Variants in YTHDC2 observed in about 807,000 individuals in gnomAD.
YTHDC2 encodes YTH N6-methyladenosine RNA binding protein C2, also known as 3'-5' RNA helicase YTHDC2.
YTHDC2 carries 45 observed loss-of-function variants against 174.9 expected under a neutral mutation model. The ratio of observed to expected loss-of-function variants is 0.26; its 90% CI spans 0.20 to 0.33. The LOEUF (loss-of-function observed/expected upper bound fraction) is 0.33, where lower values mean the gene tolerates loss of function less well. Among genes scored for constraint, YTHDC2 ranks in the 10% least tolerant of loss-of-function variants. The probability of loss-of-function intolerance (pLI) is 1.00; values close to 1 mark genes in which losing one functional copy is unlikely to be tolerated. For synonymous variants in YTHDC2, 657 were observed against 574.5 expected (o/e 1.14, Z -2.05); for missense variants, 1,650 against 1,723.7 (o/e 0.96, Z 0.76).
chr5:113,524,727 T>G (rs778412055), intron 2 of YTHDC2, among the ~76,000 whole-genome samples: 1 of 152,174 alleles, frequency 6.6e-6, no homozygotes. Context: ...ACTTTAACAC[T>G]TAAGGGTAAG....
intron 2 of YTHDC2, among the ~76,000 whole-genome samples, chr5:113,523,215 T>G (rs1185479692): frequency 6.6e-6 from 1 of 152,158 alleles, no homozygotes; most frequent in Non-Finnish European, 1.5e-5. Flanking sequence ...TGAGATGATT[T>G]TTAAGAAAAT....
chr5:113,553,887 T>C, intron 15 of YTHDC2, 33 bp downstream of exon 15: 2 of 1,585,498 alleles, frequency 1.3e-6, no homozygotes, highest in East Asian at 2.2e-5. Flanking sequence ...TTTAACACTT[T>C]CATTAGTTAT....
At chr5:113,577,187 T>C (rs908879985) in intron 23 of YTHDC2, among the ~76,000 whole-genome samples, 4 of 152,194 alleles carry the variant, frequency 2.6e-5, no homozygotes, top group Non-Finnish European at 5.9e-5. Context: ...TTGCACCTTT[T>C]TATTTAGTAT....
chr5:113,579,229 A>G (rs1431495014), intron 23 of YTHDC2, among the ~76,000 whole-genome samples: 1 of 152,070 alleles, frequency 6.6e-6, no homozygotes, highest in Non-Finnish European at 1.5e-5. Flanking sequence ...TTATAAGAGT[A>G]TTGCTTTGGG....
intron 1 of YTHDC2, chr5:113,514,359 C>CTT (rs1773250132): frequency 1.5e-6 from 1 of 647,430 alleles, no homozygotes; most frequent in Non-Finnish European, 2.9e-6. Flanking sequence ...CAGCCTTGGG[C>CTT]GGTTAAGCCA....
Position 113,579,661 on chromosome 5 carries a change from TTGA to T in YTHDC2, c.3324_3326del (p.Asp1108del). 6.2e-7 allele frequency: 1 copy of T among 1,610,100 alleles called. No homozygotes were observed. Among genetic ancestry groups the T allele is most frequent in the Non-Finnish European group, 8.5e-7 (1 of 1,177,818 alleles). ...ACAGCTAATTTGGCAGCCTTGAAAC[TTGA>T]TGAGTGGCTCCATTTCACACTGGAG... On this transcript the variant is annotated inframe_deletion, in exon 24 of 30. Coordinates refer to ENST00000161863, the MANE Select transcript of YTHDC2 (RefSeq NM_022828.5).
At chr5:113,584,233 T>C in intron 25 of YTHDC2, 69 bp from the exon 26 acceptor site, 1 of 1,348,010 alleles carries the variant, frequency 7.4e-7, no homozygotes, top group Non-Finnish European at 1.0e-6. Context: ...ATTATAAACT[T>C]ATACATAACT....
intron 23 of YTHDC2, among the ~76,000 whole-genome samples, chr5:113,569,430 C>G (rs934007405): frequency 7.9e-5 from 12 of 152,232 alleles, no homozygotes; most frequent in Admixed American, 5.9e-4. Flanking sequence ...TGCCTATGTC[C>G]TGAATGGTAT....
rs576345567 is a variant in YTHDC2 at position 113,526,841 on chromosome 5, A to G, written c.675+56A>G. 44 of 394,342 alleles carry G rather than the reference A, an allele frequency of 1.1e-4. 1 individual carries two copies. The East Asian group carries it at 2.1e-3, about 18-fold the overall frequency. The allele number at this position is 394,342 out of a possible 1,614,324, so 24.4% of individuals were successfully genotyped here. A position where few individuals can be genotyped will look rare whatever the true frequency, so the allele number is the denominator to read the frequency against. On this transcript the variant is annotated intron_variant, in intron 4 of 29. Transcript: ENST00000161863. The stretch of plus-strand genomic sequence containing the variant: ...AAAAAAAAAAAATATATATATATAT[A>G]TATATATAGTCCCATATTATAATTT...
At chr5:113,548,758 CTA>C (rs1776055002) in intron 11 of YTHDC2, 91 bp downstream of exon 11, 4 of 1,366,362 alleles carry the variant, frequency 2.9e-6, no homozygotes. Context: ...ATATTAAAAA[CTA>C]TTGTGTAATA....
chr5:113,575,529 G>A (rs530155437), intron 23 of YTHDC2, among the ~76,000 whole-genome samples: 44 of 152,276 alleles, frequency 2.9e-4, no homozygotes, highest in African/African-American at 1.0e-3. Context: ...CACATGAAAA[G>A]CAGAAATGTG....
intron 7 of YTHDC2, among the ~76,000 whole-genome samples, chr5:113,538,422 G>A (rs1775228136): frequency 1.3e-5 from 2 of 152,004 alleles, no homozygotes; most frequent in Non-Finnish European, 2.9e-5. Context: ...CATCTTGAAC[G>A]ATATCCCTCT....
intron 16 of YTHDC2, among the ~76,000 whole-genome samples, chr5:113,554,982 ATATTT>A (rs1776501942): frequency 6.6e-6 from 1 of 151,980 alleles, no homozygotes; most frequent in African/African-American, 2.4e-5. Context: ...ATTTTAAGGA[ATATTT>A]TATAGAAAAT....
chr5:113,584,083 T>C (rs1033717209), intron 25 of YTHDC2: 3 of 356,308 alleles, frequency 8.4e-6, no homozygotes, highest in Admixed American at 9.2e-5. Flanking sequence ...TTACGAGGCT[T>C]GCTCAGGATC....
intron 17 of YTHDC2, among the ~76,000 whole-genome samples, chr5:113,560,047 C>A (rs1196132762): frequency 2.0e-5 from 3 of 152,206 alleles, no homozygotes; most frequent in African/African-American, 7.2e-5. Context: ...CATAGGAAAG[C>A]TTCACTAGAA....
intron 24 of YTHDC2, among the ~76,000 whole-genome samples, chr5:113,580,919 G>A (rs576525200): frequency 2.4e-4 from 37 of 152,196 alleles, no homozygotes; most frequent in Middle Eastern, 3.4e-3. Flanking sequence ...AAGTTCTCTA[G>A]CACTTTGTGT....
chr5:113,554,468 A>G (rs1007495071), intron 16 of YTHDC2, among the ~76,000 whole-genome samples: 2 of 152,052 alleles, frequency 1.3e-5, no homozygotes, highest in Admixed American at 6.6e-5. Flanking sequence ...CACCTATAGC[A>G]GGTGTTCAAA....
chr5:113,568,174 T>G (rs1777475760), intron 23 of YTHDC2, among the ~76,000 whole-genome samples: 1 of 152,182 alleles, frequency 6.6e-6, no homozygotes, highest in Non-Finnish European at 1.5e-5. Flanking sequence ...CATAATCTCA[T>G]TTTTCTCATG....
At position 113,551,505 on chromosome 5, in the gene YTHDC2, A is replaced by C. The variant is rs148658719; in HGVS notation, c.1689-1676A>C. Among the ~76,000 whole-genome samples the C allele has an allele frequency of 1.9e-3, 291 of 152,304 alleles. 2 individuals carry two copies. The highest frequency in any genetic ancestry group is 6.7e-3 in the African/African-American group (277 of 41,582). On this transcript the variant is annotated intron_variant, in intron 12 of 29. Coordinates refer to ENST00000161863, the MANE Select transcript of YTHDC2 (RefSeq NM_022828.5). ...TCTTCATTTATGTGTTAAAAATTAA[A>C]AAACAATAAACTTACAGTGTTTTAA...
Sources: gnomAD v4.1 joint callset for allele counts (sites outside exome capture counted in the v4.1 genomes callset) on GRCh38, gnomAD v4.1.1 for gene constraint, MANE v1.5 for transcripts, NCBI Gene and HGNC (gene_info 2026-07-23, HGNC 2026-07-21) for gene names.